TRAPPC9: variants seen among roughly 807,000 people sequenced by gnomAD.
The protein encoded by TRAPPC9 is IKK2 binding protein.
TRAPPC9 carries 83 observed loss-of-function variants against 124.0 expected under a neutral mutation model. The observed-to-expected ratio is 0.67, with a 90% CI of 0.56 to 0.80. The LOEUF (loss-of-function observed/expected upper bound fraction) is 0.80, where lower values mean the gene tolerates loss of function less well. Ranked by LOEUF, TRAPPC9 falls within the 30% of genes least tolerant of loss-of-function variation. The pLI is 0.00. For missense variants in TRAPPC9, 1,302 were observed against 1,508.3 expected (o/e 0.86, Z 2.27); for synonymous variants, 638 against 617.5 (o/e 1.03, Z -0.49).
intron 19 of TRAPPC9, among the ~76,000 whole-genome samples, chr8:139,986,444 T>C (rs914018938): frequency 2.0e-5 from 3 of 152,202 alleles, no homozygotes; most frequent in Non-Finnish European, 4.4e-5. Flanking sequence ...TTTTTACTTT[T>C]ATTTTTGCCA....
At chr8:140,362,273 G>GA (rs2067978543) in intron 8 of TRAPPC9, among the ~76,000 whole-genome samples, 1 of 152,170 alleles carries the variant, frequency 6.6e-6, no homozygotes, top group Non-Finnish European at 1.5e-5. Context: ...CTGGTGAAAG[G>GA]AAACCCTCCC....
intron 17 of TRAPPC9, among the ~76,000 whole-genome samples, chr8:140,093,141 T>C (rs1405588057): frequency 6.6e-6 from 1 of 152,032 alleles, no homozygotes; most frequent in Non-Finnish European, 1.5e-5. Flanking sequence ...ACCTCCAAAA[T>C]CTGGGATAAG....
chr8:140,189,504 T>C (rs2062433204), intron 17 of TRAPPC9, among the ~76,000 whole-genome samples: 1 of 152,148 alleles, frequency 6.6e-6, no homozygotes, highest in Non-Finnish European at 1.5e-5. Context: ...GATAAGAAAA[T>C]GCTTATAACA....
intron 17 of TRAPPC9, among the ~76,000 whole-genome samples, chr8:140,210,518 CCTT>C (rs1339516921): frequency 6.6e-6 from 1 of 152,122 alleles, no homozygotes; most frequent in Non-Finnish European, 1.5e-5. Context: ...CTCCGGGAAG[CCTT>C]CTCTCTTCCA....
In TRAPPC9 at chr8:140,241,423, G is replaced by A. The variant is rs934973139; in HGVS notation, c.2431+11354C>T. ...CTCAAAAATAAAAATTGGGCCAGGC[G>A]CGGTGGCACCCGCCTGTAATCCCAG... On this transcript the variant is annotated intron_variant, in intron 16 of 22. Transcript: ENST00000438773. This position sits in a 1 kb window ranked among gnomAD's most constrained non-coding sequence, Gnocchi z 5.0. 2.7e-5 allele frequency among the ~76,000 whole-genome samples: 4 copies of A among 150,774 alleles called. No individual in the cohort carries two copies. The highest frequency in any genetic ancestry group is 6.6e-5 in the Admixed American group (1 of 15,134).
rs780972944 is a variant in TRAPPC9 at position 140,283,958 on chromosome 8, T to C, written c.2045A>G (p.Lys682Arg). ...GACTTCCACTGTGGAGCCACTGGTT[T>C]TTATTCCCGGCAGGTTATCCAGCAA... ...DCLLDNLPGI[K>R]TSGSTVEVIP... Residue 682 changes from lysine (K) to arginine (R), a missense_variant, in exon 14 of 23, where the codon AAA becomes AGA. Around this residue, in one of 3 missense-constraint regions of TRAPPC9, gnomAD observed 640 missense variants for 679.3 expected, o/e 0.94. Transcript: ENST00000438773. 3 of 1,614,174 alleles carry C rather than the reference T, an allele frequency of 1.9e-6. No homozygotes were observed. The South Asian group carries it at 3.3e-5, about 18-fold the overall frequency.
chr8:139,741,820 A>C (rs1432046094), intron 21 of TRAPPC9, among the ~76,000 whole-genome samples: 1 of 152,130 alleles, frequency 6.6e-6, no homozygotes, highest in East Asian at 1.9e-4. Flanking sequence ...TGATGTCTCT[A>C]AGGCTCACCC....
chr8:139,861,536 G>T (rs1230863815), intron 21 of TRAPPC9, among the ~76,000 whole-genome samples: 2 of 152,190 alleles, frequency 1.3e-5, no homozygotes, highest in South Asian at 2.1e-4. Context: ...AAGCAAGGGG[G>T]CGAAGAGAAC....
intron 11 of TRAPPC9, 144 bp downstream of exon 11, chr8:140,300,325 A>G (rs545825580): frequency 8.2e-5 from 85 of 1,039,998 alleles, no homozygotes; most frequent in Admixed American, 4.3e-4. Context: ...ACACATATAC[A>G]CACATATGCA....
chr8:140,303,692 T>C (rs1464452532), intron 10 of TRAPPC9, among the ~76,000 whole-genome samples: 1 of 152,230 alleles, frequency 6.6e-6, no homozygotes, highest in Non-Finnish European at 1.5e-5. Context: ...ACAATTAAAA[T>C]AGGGATGTAT....
intron 7 of TRAPPC9, among the ~76,000 whole-genome samples, chr8:140,390,055 G>A (rs959279671): frequency 6.6e-6 from 1 of 152,158 alleles, no homozygotes; most frequent in Admixed American, 6.5e-5. Context: ...TGTAATCCCA[G>A]CACTTTGGGA....
In TRAPPC9 at chr8:140,435,130, C is replaced by T. The variant is rs1186229387; in HGVS notation, c.841G>A (p.Ala281Thr). ...FQGSTLPAEA[A>T]NRHRPGAQEV... Reference sequence around the variant, plus strand: ...AGCTCACCTGGCCGGTGTCTATTGGCTGCTTCAGCAGGAAGGGTGCTGCCC... The same window carrying T: ...AGCTCACCTGGCCGGTGTCTATTGGTTGCTTCAGCAGGAAGGGTGCTGCCC... The change falls in exon 4 of 23, where the codon GCC becomes ACC. Residue 281 changes from alanine (A) to threonine (T), a missense_variant. Transcript: ENST00000438773. 5.0e-6 allele frequency: 8 copies of T among 1,614,084 alleles called. No individual in the cohort carries two copies. The highest frequency in any genetic ancestry group is 1.3e-5 in the African/African-American group (1 of 74,938).
chr8:139,971,792 CATAT>C (rs1168384406), intron 19 of TRAPPC9, among the ~76,000 whole-genome samples: 1 of 15,646 alleles, frequency 6.4e-5, no homozygotes, highest in South Asian at 3.0e-3. Flanking sequence ...CATATATACA[CATAT>C]ATATATACAT....
At chr8:140,332,133 G>T (rs1037190490) in intron 9 of TRAPPC9, among the ~76,000 whole-genome samples, 7 of 152,146 alleles carry the variant, frequency 4.6e-5, no homozygotes, top group African/African-American at 1.7e-4. Context: ...CGTGGAATGT[G>T]ATTCAGCCAT....
At chr8:140,426,134 GT>G (rs2070414429) in intron 5 of TRAPPC9, among the ~76,000 whole-genome samples, 1 of 152,100 alleles carries the variant, frequency 6.6e-6, no homozygotes, top group South Asian at 2.1e-4. Flanking sequence ...AATAAAAGAG[GT>G]TTTTGCTGTA....
intron 17 of TRAPPC9, among the ~76,000 whole-genome samples, chr8:140,124,598 C>T (rs992922128): frequency 1.3e-5 from 2 of 152,190 alleles, no homozygotes; most frequent in African/African-American, 2.4e-5. Context: ...CCATGTGCCC[C>T]GGCCATTCAC....
At chr8:139,946,466 G>A (rs367737490) in intron 19 of TRAPPC9, among the ~76,000 whole-genome samples, 14 of 152,280 alleles carry the variant, frequency 9.2e-5, no homozygotes, top group African/African-American at 2.4e-4. Context: ...CTCTGGAGTC[G>A]GGAGTGACAT....
chr8:139,762,899 T>C (rs536302915), intron 21 of TRAPPC9, among the ~76,000 whole-genome samples: 19 of 152,262 alleles, frequency 1.2e-4, no homozygotes, highest in African/African-American at 4.6e-4. Flanking sequence ...CTCAGTTGCC[T>C]GGTGATGGGA....
chr8:139,752,523 CCCAT>C (rs1221513215), intron 21 of TRAPPC9, among the ~76,000 whole-genome samples: 8 of 149,160 alleles, frequency 5.4e-5, no homozygotes, highest in African/African-American at 1.5e-4. Flanking sequence ...CCAACATCTA[CCCAT>C]CCATCCATCC....
Sources: allele counts gnomAD v4.1 joint callset (sites outside exome capture counted in the v4.1 genomes callset), GRCh38; gene constraint gnomAD v4.1.1; regional missense constraint gnomAD v4.1.1; non-coding constraint Gnocchi (gnomAD v3.1); transcripts MANE v1.5; gene names NCBI Gene and HGNC (gene_info 2026-07-23, HGNC 2026-07-21).